Variants in SLC9B1 observed in about 807,000 individuals in gnomAD.
SLC9B1 encodes the protein solute carrier family 9 member B1.
SLC9B1 carries 32 observed loss-of-function variants against 51.7 expected under a neutral mutation model. The ratio of observed to expected loss-of-function variants is 0.62; its 90% CI spans 0.47 to 0.83. The LOEUF (loss-of-function observed/expected upper bound fraction) is 0.83, where lower values mean the gene tolerates loss of function less well. Among genes scored for constraint, SLC9B1 ranks in the 40% least tolerant of loss-of-function variants. The pLI is 0.00. For missense variants in SLC9B1, 406 were observed against 613.2 expected, an observed-to-expected ratio of 0.66 and a Z score of 3.57; for synonymous variants, 145 against 212.7, an observed-to-expected ratio of 0.68 and a Z score of 2.77.
chr4:102,971,012 G>T (rs1193569713), intron 3 of SLC9B1, among the ~76,000 whole-genome samples: 1 of 152,060 alleles, frequency 6.6e-6, no homozygotes, highest in Non-Finnish European at 1.5e-5. Flanking sequence ...CCTACAAAGA[G>T]ACCTAGACAT....
rs1197166005 is a variant in SLC9B1 at position 102,975,586 on chromosome 4, ATTT to A, written c.211+14211_211+14213del. Among the ~76,000 whole-genome samples the A allele has an allele frequency of 1.8e-4, 11 of 62,302 alleles. No homozygotes were observed. In the East Asian group the frequency reaches 5.5e-3, roughly 31 times the overall value. 40.9% of individuals were successfully genotyped at this position (62,302 alleles called of 152,430 possible). A position where few individuals can be genotyped will look rare whatever the true frequency, so the allele number is the denominator to read the frequency against. ...TATACATATATATATATATATATAT[ATTT>A]TTTTTTTTTTTTTTTTTTTTGAGGC... On this transcript the variant is annotated intron_variant, in intron 3 of 11. Coordinates refer to ENST00000296422, the MANE Select transcript of SLC9B1 (RefSeq NM_139173.4).
At chr4:102,984,278 G>A (rs932211094) in intron 3 of SLC9B1, among the ~76,000 whole-genome samples, 2 of 152,002 alleles carry the variant, frequency 1.3e-5, no homozygotes, top group Non-Finnish European at 2.9e-5. Context: ...ACCACACTCA[G>A]CTAATTTTTA....
At chr4:102,999,510 C>T (rs1740406460) in intron 1 of SLC9B1, among the ~76,000 whole-genome samples, 1 of 152,142 alleles carries the variant, frequency 6.6e-6, no homozygotes, top group Non-Finnish European at 1.5e-5. Flanking sequence ...TTTCAATTTT[C>T]TATCTTGGCT....
At chr4:102,925,998 C>G (rs1329252388) in intron 7 of SLC9B1, among the ~76,000 whole-genome samples, 3 of 152,256 alleles carry the variant, frequency 2.0e-5, no homozygotes, top group African/African-American at 7.2e-5. Context: ...ACAAAAACCA[C>G]ATGATTATCT....
intron 6 of SLC9B1, among the ~76,000 whole-genome samples, chr4:102,937,502 G>A (rs900973048): frequency 4.0e-5 from 6 of 149,094 alleles, no homozygotes; most frequent in African/African-American, 7.4e-5. Flanking sequence ...TGAGGGGGGT[G>A]GATCACAAGG....
chr4:103,016,194 C>T (rs1741324990), intron 1 of SLC9B1, among the ~76,000 whole-genome samples: 1 of 145,868 alleles, frequency 6.9e-6, no homozygotes, highest in African/African-American at 2.6e-5. Context: ...TACCTAAGGC[C>T]AATACTTCTA....
Position 102,910,581 on chromosome 4 carries a change from A to T in SLC9B1, c.944T>A (p.Leu315His), listed in dbSNP as rs748100059. The change falls in exon 9 of 12, where the codon CTT becomes CAT. Residue 315 changes from leucine (L) to histidine (H), a missense_variant. This residue lies in a region of SLC9B1 where 250 missense variants were observed against 394.1 expected (regional missense o/e 0.63). Transcript: ENST00000296422. Reference sequence around the variant, plus strand: ...AACAAGGAATCCTCTCTTCAATGTAAGTTTTTTCTAGAATTAGATAGATAT... The same window carrying T: ...AACAAGGAATCCTCTCTTCAATGTATGTTTTTTCTAGAATTAGATAGATAT... ...RYFPSEDQKK[L>H]TLKRGFLVLT... The T allele has an allele frequency of 2.8e-6, 4 of 1,439,112 alleles. No homozygotes were observed. The highest frequency in any genetic ancestry group is 1.7e-5 in the South Asian group (1 of 58,410). The allele number at this position is 1,439,112 out of a possible 1,614,324, so 89.1% of individuals were successfully genotyped here. A position where few individuals can be genotyped will look rare whatever the true frequency, so the allele number is the denominator to read the frequency against.
intron 7 of SLC9B1, among the ~76,000 whole-genome samples, chr4:102,922,241 C>T (rs529353505): frequency 3.3e-5 from 5 of 152,300 alleles, no homozygotes; most frequent in South Asian, 2.1e-4. Context: ...CAAATTAGAA[C>T]TTAGGATTAA....
intron 1 of SLC9B1, among the ~76,000 whole-genome samples, chr4:103,008,797 C>CTTTTTTTT (rs34403441): frequency 3.0e-5 from 3 of 99,460 alleles, no homozygotes; most frequent in African/African-American, 7.5e-5. Context: ...TTAACAGTTT[C>CTTTTTTTT]TTTTTTTTTT....
At chr4:102,958,380 C>A (rs1737913512) in intron 3 of SLC9B1, among the ~76,000 whole-genome samples, 1 of 152,236 alleles carries the variant, frequency 6.6e-6, no homozygotes, top group Non-Finnish European at 1.5e-5. Context: ...TGCCTGCATG[C>A]TTCCTGTACA....
At chr4:102,962,086 C>T (rs551380665) in intron 3 of SLC9B1, 165 of 369,860 alleles carry the variant, frequency 4.5e-4, no homozygotes, top group African/African-American at 3.3e-3. Flanking sequence ...GGTTGAGCTG[C>T]ACCCACTGCT....
intron 8 of SLC9B1, among the ~76,000 whole-genome samples, chr4:102,910,897 A>G (rs1735307938): frequency 6.6e-6 from 1 of 152,184 alleles, no homozygotes; most frequent in Admixed American, 6.5e-5. Flanking sequence ...TAACATATCC[A>G]ATGAATTCTT....
rs557283817 is a variant in SLC9B1 at position 102,954,367 on chromosome 4, G to A, written c.212-4940C>T. Reference sequence around the variant, plus strand: ...AGCTTTTTGATGTGCTGCTGGATTCGGTTTGCCAGTATTTTATTGAGGATT... The same window carrying A: ...AGCTTTTTGATGTGCTGCTGGATTCAGTTTGCCAGTATTTTATTGAGGATT... On this transcript the variant is annotated intron_variant, in intron 3 of 11. Transcript: ENST00000296422. Among the ~76,000 whole-genome samples, 154 of 80,974 alleles carry A rather than the reference G, an allele frequency of 1.9e-3. 51 individuals are homozygous for A. Among genetic ancestry groups the A allele is most frequent in the African/African-American group, 8.7e-3 (131 of 15,096 alleles). 53.1% of individuals were successfully genotyped at this position (80,974 alleles called of 152,430 possible). A position where few individuals can be genotyped will look rare whatever the true frequency, so the allele number is the denominator to read the frequency against.
chr4:102,917,810 C>T (rs1386573563), intron 7 of SLC9B1, among the ~76,000 whole-genome samples: 1 of 152,140 alleles, frequency 6.6e-6, no homozygotes, highest in African/African-American at 2.4e-5. Flanking sequence ...TGGCTCACGA[C>T]TGTAATCCCA....
At chr4:103,008,030 T>C (rs1210928300) in intron 1 of SLC9B1, among the ~76,000 whole-genome samples, 1 of 152,218 alleles carries the variant, frequency 6.6e-6, no homozygotes, top group African/African-American at 2.4e-5. Context: ...TGGTTTATAT[T>C]CCAGTGTCTT....
chr4:102,895,733 G>C lies in SLC9B1; in HGVS notation c.1332+9781C>G, dbSNP rs558080014. ...AGGATGGAGCAAAATTTTTAGTAGA[G>C]CACTTTGAATAATGAATTAGCAAAC... On this transcript the variant is annotated intron_variant, in intron 11 of 11. Coordinates refer to the SLC9B1 transcript ENST00000394789. Among the ~76,000 whole-genome samples, 204 of 152,260 alleles carry C rather than the reference G, an allele frequency of 1.3e-3. No individual in the cohort carries two copies. In the Middle Eastern group the frequency reaches 0.017, roughly 13 times the overall value.
intron 4 of SLC9B1, among the ~76,000 whole-genome samples, chr4:102,948,499 A>T (rs1477448834): frequency 1.3e-5 from 2 of 152,210 alleles, no homozygotes; most frequent in African/African-American, 4.8e-5. Flanking sequence ...TCAACATGTG[A>T]ATCATTCTTC....
rs535195040 is a variant in SLC9B1, at chr4:102,942,431, T to C, written c.653+2762A>G. 3.9e-4 allele frequency among the ~76,000 whole-genome samples: 60 copies of C among 152,298 alleles called. 3 individuals are homozygous for C. Among genetic ancestry groups the C allele is most frequent in the Non-Finnish European group, 2.6e-4 (18 of 68,028 alleles). ...CACATTACTTGACTTCAAACTATAC[T>C]ATAAGGCTATAGTCACCAAAGCAGC... On this transcript the variant is annotated intron_variant, in intron 6 of 11. Transcript: ENST00000296422.
chr4:102,910,587 T>C lies in SLC9B1; in HGVS notation c.938A>G (p.Lys313Arg). 2.8e-6 allele frequency: 4 copies of C among 1,424,584 alleles called. No individual in the cohort carries two copies. Among genetic ancestry groups the C allele is most frequent in the Non-Finnish European group, 3.7e-6 (4 of 1,082,334 alleles). 88.2% of individuals were successfully genotyped at this position (1,424,584 alleles called of 1,614,324 possible). Residue 313 changes from lysine to arginine, a missense_variant and splice_region_variant, in exon 9 of 12, where the codon AAA becomes AGA. Lys to Arg is a conservative substitution (Grantham distance 26). Around this residue, in one of 6 missense-constraint regions of SLC9B1, gnomAD observed 250 missense variants for 394.1 expected, o/e 0.63. Coordinates refer to ENST00000296422, the MANE Select transcript of SLC9B1 (RefSeq NM_139173.4). The stretch of plus-strand genomic sequence containing the variant: ...GAATCCTCTCTTCAATGTAAGTTTT[T>C]TCTAGAATTAGATAGATATTTAGAA... ...FVRYFPSEDQ[K>R]KLTLKRGFLV...
Sources: allele counts gnomAD v4.1 joint callset (sites outside exome capture counted in the v4.1 genomes callset), GRCh38; gene constraint gnomAD v4.1.1; regional missense constraint gnomAD v4.1.1; transcripts MANE v1.5; gene names NCBI Gene and HGNC (gene_info 2026-07-23, HGNC 2026-07-21).